Variants in ZNF804A observed in about 807,000 individuals in gnomAD.
ZNF804A encodes zinc finger protein 804A.
A neutral mutation model predicts 16.5 loss-of-function variants in ZNF804A; 2 were observed. The ratio of observed to expected loss-of-function variants is 0.12; its 90% CI spans 0.05 to 0.38. The LOEUF is 0.38. ZNF804A is among the 10% of genes least tolerant of loss of function. The pLI is 0.99. For synonymous variants in ZNF804A, 534 were observed against 489.6 expected (o/e 1.09, Z -1.20); for missense variants, 1,473 against 1,390.7 (o/e 1.06, Z -0.94).
intron 1 of ZNF804A, among the ~76,000 whole-genome samples, chr2:184,661,675 T>C (rs1256349725): frequency 6.6e-6 from 1 of 152,180 alleles, no homozygotes; most frequent in Non-Finnish European, 1.5e-5. Flanking sequence ...ATGGAAGTTC[T>C]CACTTTGGTC....
At chr2:184,705,905 A>G (rs1218261393) in intron 1 of ZNF804A, among the ~76,000 whole-genome samples, 5 of 152,246 alleles carry the variant, frequency 3.3e-5, no homozygotes, top group Non-Finnish European at 1.5e-5. Context: ...CTCTGCTACC[A>G]TGGCACCTTT....
intron 1 of ZNF804A, among the ~76,000 whole-genome samples, chr2:184,617,338 T>G (rs920097234): frequency 2.0e-5 from 3 of 152,070 alleles, no homozygotes; most frequent in Non-Finnish European, 4.4e-5. Flanking sequence ...ATTCATAGTA[T>G]TCAATAATTT....
intron 1 of ZNF804A, among the ~76,000 whole-genome samples, chr2:184,705,761 C>T (rs187356493): frequency 5.9e-5 from 9 of 152,148 alleles, no homozygotes; most frequent in Non-Finnish European, 8.8e-5. Flanking sequence ...ACAATGAATA[C>T]GCATCTTGGC....
chr2:184,886,827 A>T (rs1045054458), intron 2 of ZNF804A, among the ~76,000 whole-genome samples: 1 of 152,214 alleles, frequency 6.6e-6, no homozygotes, highest in South Asian at 2.1e-4. Context: ...GGCCTGGCCC[A>T]CAAAACCACT....
At chr2:184,649,976 C>T (rs2105699673) in intron 1 of ZNF804A, among the ~76,000 whole-genome samples, 1 of 152,126 alleles carries the variant, frequency 6.6e-6, no homozygotes, top group Middle Eastern at 3.4e-3. Flanking sequence ...CAGCACCACC[C>T]TTATACCCAA....
Position 184,938,158 on chromosome 2 carries a change from C to G in ZNF804A, c.2762C>G (p.Ala921Gly). 6.2e-7 allele frequency: 1 copy of G among 1,614,122 alleles called. No homozygotes were observed. Among genetic ancestry groups the G allele is most frequent in the Non-Finnish European group, 8.5e-7 (1 of 1,180,028 alleles). Residue 921 changes from alanine to glycine, a missense_variant, in exon 4 of 4, where the codon GCT becomes GGT. Coordinates refer to ENST00000302277, the MANE Select transcript of ZNF804A (RefSeq NM_194250.2). ...GATCCCACCACATCTGTCTGTGTAG[C>G]TAGTGCCCCAACAAAAGAAGCAATT... is the stretch of plus-strand genomic sequence containing the variant. ...SNDPTTSVCV[A>G]SAPTKEAIDN...
intron 2 of ZNF804A, among the ~76,000 whole-genome samples, chr2:184,889,323 A>G (rs1684945813): frequency 6.6e-6 from 1 of 151,416 alleles, no homozygotes; most frequent in African/African-American, 2.4e-5. Flanking sequence ...GTTTTATAAA[A>G]TGTACGATAA....
At chr2:184,722,413 T>C (rs1693333274) in intron 1 of ZNF804A, among the ~76,000 whole-genome samples, 1 of 152,058 alleles carries the variant, frequency 6.6e-6, no homozygotes, top group Admixed American at 6.6e-5. Flanking sequence ...CATGGCTATC[T>C]AGGAAATGTG....
intron 1 of ZNF804A, among the ~76,000 whole-genome samples, chr2:184,837,855 T>C (rs577110735): frequency 1.3e-5 from 2 of 152,260 alleles, no homozygotes; most frequent in East Asian, 3.9e-4. Context: ...CCTCATCCAC[T>C]GCCAGTGGAA....
intron 1 of ZNF804A, among the ~76,000 whole-genome samples, chr2:184,657,808 GA>G (rs1331873118): frequency 6.6e-6 from 1 of 152,146 alleles, no homozygotes; most frequent in Non-Finnish European, 1.5e-5. Flanking sequence ...GAGTCATTAT[GA>G]AAAGGTAGTT....
chr2:184,835,174 TC>T (rs1285356995), intron 1 of ZNF804A, among the ~76,000 whole-genome samples: 1 of 151,952 alleles, frequency 6.6e-6, no homozygotes, highest in Non-Finnish European at 1.5e-5. Flanking sequence ...GGTTCTGAAC[TC>T]CCCCCAGGAG....
chr2:184,744,424 G>A (rs1041719477), intron 1 of ZNF804A, among the ~76,000 whole-genome samples: 1 of 151,816 alleles, frequency 6.6e-6, no homozygotes, highest in Non-Finnish European at 1.5e-5. Flanking sequence ...GACCATGAGG[G>A]TGCAACCCTC....
chr2:184,881,322 A>G (rs1192117368), intron 2 of ZNF804A, among the ~76,000 whole-genome samples: 1 of 151,648 alleles, frequency 6.6e-6, no homozygotes, highest in African/African-American at 2.4e-5. Context: ...AGGTAGAGAA[A>G]ACAAGCAACT....
At chr2:184,913,212 T>C (rs1195980338) in intron 2 of ZNF804A, among the ~76,000 whole-genome samples, 1 of 152,182 alleles carries the variant, frequency 6.6e-6, no homozygotes, top group Non-Finnish European at 1.5e-5. Flanking sequence ...TATGTAGTTA[T>C]TGTTATAAAT....
At chr2:184,637,911 A>T (rs1022363443) in intron 1 of ZNF804A, among the ~76,000 whole-genome samples, 1 of 152,144 alleles carries the variant, frequency 6.6e-6, no homozygotes, top group African/African-American at 2.4e-5. Flanking sequence ...ACTTTTTACC[A>T]TTATATTCTG....
intron 2 of ZNF804A, among the ~76,000 whole-genome samples, chr2:184,929,628 C>T (rs932748006): frequency 6.6e-6 from 1 of 152,066 alleles, no homozygotes; most frequent in South Asian, 2.1e-4. Context: ...ATTATCTGTA[C>T]TTCTTGGAAT....
chr2:184,856,395 C>T (rs930975548), intron 1 of ZNF804A, among the ~76,000 whole-genome samples: 1 of 151,714 alleles, frequency 6.6e-6, no homozygotes, highest in Non-Finnish European at 1.5e-5. Context: ...GAAAACAAAG[C>T]GTCATAGGTA....
chr2:184,820,173 A>T (rs1290377987), intron 1 of ZNF804A, among the ~76,000 whole-genome samples: 1 of 152,104 alleles, frequency 6.6e-6, no homozygotes, highest in Non-Finnish European at 1.5e-5. Flanking sequence ...CCCCAATGAA[A>T]TACTGACAGA....
At chr2:184,635,035 A>G (rs1691674466) in intron 1 of ZNF804A, among the ~76,000 whole-genome samples, 1 of 152,188 alleles carries the variant, frequency 6.6e-6, no homozygotes, top group Non-Finnish European at 1.5e-5. Context: ...AAGAGTGGTT[A>G]AATTTTTCAG....
Sources: gnomAD v4.1 joint callset for allele counts (sites outside exome capture counted in the v4.1 genomes callset) on GRCh38, gnomAD v4.1.1 for gene constraint, MANE v1.5 for transcripts, NCBI Gene and HGNC (gene_info 2026-07-23, HGNC 2026-07-21) for gene names.